DHPS: variants seen among roughly 807,000 people sequenced by gnomAD.
DHPS encodes migration-inducing gene 13.
Under a neutral mutation model 38.7 loss-of-function variants are expected in DHPS, and 24 were observed. The ratio of observed to expected loss-of-function variants is 0.62; its 90% CI spans 0.45 to 0.87. The LOEUF is 0.87. DHPS is among the 40% of genes least tolerant of loss of function. DHPS has a pLI of 0.00. For missense variants in DHPS, 510 were observed against 497.6 expected, an observed-to-expected ratio of 1.02 and a Z score of -0.24; for synonymous variants, 250 against 204.4, an observed-to-expected ratio of 1.22 and a Z score of -1.90.
At chr19:12,673,410 C>CTTTTTTT (rs58676851), downstream of DHPS, 1 of 220,352 alleles carries the variant, frequency 4.5e-6, no homozygotes, top group Non-Finnish European at 8.4e-6. Flanking sequence ...AGGCTAGGAT[C>CTTTTTTT]TTTTTTTTTT....
chr19:12,672,893 C>G, downstream of DHPS: 2 of 1,597,834 alleles, frequency 1.3e-6, no homozygotes, highest in Non-Finnish European at 1.7e-6. Flanking sequence ...GATGGGGCAG[C>G]TCTTCTCAGA....
chr19:12,675,621 C>T (rs368544821), downstream of DHPS: 8 of 1,603,372 alleles, frequency 5.0e-6, no homozygotes, highest in African/African-American at 2.7e-5. Context: ...TGGGAGGCAG[C>T]GTCCAGTGCT....
At chr19:12,672,789 C>G (rs2024460022), downstream of DHPS, 2 of 1,529,264 alleles carry the variant, frequency 1.3e-6, no homozygotes, top group South Asian at 1.2e-5. Context: ...AGGCACAGGG[C>G]TGCCTGGAGC....
At chr19:12,675,678 G>C (rs750144470), downstream of DHPS, 1 of 1,599,758 alleles carries the variant, frequency 6.3e-7, no homozygotes, top group South Asian at 1.1e-5. Context: ...GCTGAAGCCA[G>C]GGGACCCACC....
chr19:12,672,738 C>T (rs1202757732), downstream of DHPS: 26 of 1,153,864 alleles, frequency 2.3e-5, no homozygotes, highest in Middle Eastern at 8.5e-4. Flanking sequence ...CTTCAGAATT[C>T]CACTCCTGTG....
rs201341849 is a variant in DHPS at position 12,680,304 on chromosome 19, G to A, written c.229C>T (p.Leu77=). The A allele has an allele frequency of 1.2e-6, 2 of 1,614,182 alleles. No homozygotes were observed. Among genetic ancestry groups the A allele is most frequent in the South Asian group, 1.1e-5 (1 of 91,090 alleles). Residue 77 remains leucine (L), a synonymous_variant, in exon 2 of 9, where the codon CTG becomes TTG. Transcript: ENST00000210060. ...GCGTGCTGGTCTTCATCCTGTGACA[G>A]TGGTTCCAGCTTCTTCTCGATCTGT... is the stretch of plus-strand genomic sequence containing the variant. ...NAMIEKKLEP[L]SQDEDQHADL... is the part of the protein sequence containing the mutation.
chr19:12,680,102 C>G, intron 2 of DHPS, 59 bp downstream of exon 2: 3 of 1,601,228 alleles, frequency 1.9e-6, no homozygotes, highest in Non-Finnish European at 2.6e-6. Flanking sequence ...CTTAAACGAT[C>G]AATAACTGCA....
At chr19:12,680,722 C>T (rs1251789734) in intron 1 of DHPS, among the ~76,000 whole-genome samples, 1 of 146,612 alleles carries the variant, frequency 6.8e-6, no homozygotes, top group Admixed American at 7.0e-5. Flanking sequence ...TTAGTAGAGA[C>T]GGGGTTTCTC....
In DHPS at chr19:12,679,827, C is replaced by A; in HGVS notation, c.468G>T (p.Lys156Asn). 1 of 1,614,170 alleles carries A rather than the reference C, an allele frequency of 6.2e-7. No homozygotes were observed. Among genetic ancestry groups the A allele is most frequent in the Non-Finnish European group, 8.5e-7 (1 of 1,180,030 alleles). ...TATTGATCCCGTTCTCCCGGAGCTC[C>A]TTCCCCCTGAGGCTAAACTCGCCCA... ...TYLGEFSLRGKELRENGINRI... is the reference protein window; with the variant it reads ...TYLGEFSLRGNELRENGINRI... The change falls in exon 3 of 9, where the codon AAG becomes AAT. Residue 156 changes from lysine to asparagine, a missense_variant. Lys to Asn is a moderately conservative substitution (Grantham distance 94, BLOSUM62 0). Coordinates refer to ENST00000210060, the MANE Select transcript of DHPS (RefSeq NM_001930.4).
downstream of DHPS, chr19:12,673,287 G>A (rs747476130): frequency 4.0e-5 from 64 of 1,613,872 alleles, no homozygotes; most frequent in Non-Finnish European, 4.9e-5. Context: ...TTCTGAGGAC[G>A]GGAAGGTGTT....
chr19:12,673,550 T>A (rs546362860), downstream of DHPS, among the ~76,000 whole-genome samples: 2 of 151,914 alleles, frequency 1.3e-5, no homozygotes, highest in African/African-American at 4.8e-5. Flanking sequence ...CCTGAGTAGT[T>A]GGGATTATAG....
chr19:12,679,632 C>A lies in DHPS; in HGVS notation c.582G>T (p.Gln194His), dbSNP rs1472533698. 1 of 1,614,076 alleles carries A rather than the reference C, an allele frequency of 6.2e-7. No homozygotes were observed. Among genetic ancestry groups the A allele is most frequent in the Non-Finnish European group, 8.5e-7 (1 of 1,180,048 alleles). The change falls in exon 4 of 9, where the codon CAG becomes CAT. Residue 194 changes from glutamine to histidine, a missense_variant. Gln to His is a conservative substitution (Grantham distance 24). Transcript: ENST00000210060. ...GTTGCCCCAGCCCCACCTCTGTGTT[C>A]TGCTCCATCACCATCTGGTCCAGAA... ...MPILDQMVME[Q>H]NTEGVKWTPS... is the part of the protein sequence containing the mutation.
intron 7 of DHPS, 177 bp from the exon 8 acceptor site, chr19:12,676,319 G>T: frequency 1.3e-6 from 1 of 792,116 alleles, no homozygotes; most frequent in Non-Finnish European, 1.9e-6. Context: ...GAGCTGCTGG[G>T]CAACGATGGC....
rs375083939 is a variant in DHPS at position 12,676,404 on chromosome 19, T to A, written c.889-262A>T. The A allele has an allele frequency of 2.6e-5, 12 of 465,326 alleles. No homozygotes were observed. The Admixed American group carries it at 2.7e-4, about 11-fold the overall frequency. The allele number at this position is 465,326 out of a possible 1,614,324, so 28.8% of individuals were successfully genotyped here. On this transcript the variant is annotated intron_variant, in intron 7 of 8. Coordinates refer to ENST00000210060, the MANE Select transcript of DHPS (RefSeq NM_001930.4). Reference sequence around the variant, plus strand: ...GCAAGGCAGGAGCTGCCAGCAACTCTATCTTCAGAAGCCCTCCAAATCCAA... The same window carrying A: ...GCAAGGCAGGAGCTGCCAGCAACTCAATCTTCAGAAGCCCTCCAAATCCAA...
Position 12,679,838 on chromosome 19 carries a change from G to C in DHPS, c.457C>G (p.Leu153Val), listed in dbSNP as rs746302965. 3.1e-6 allele frequency: 5 copies of C among 1,614,152 alleles called. No homozygotes were observed. The highest frequency in any genetic ancestry group is 4.2e-6 in the Non-Finnish European group (5 of 1,180,030). ...LAPTYLGEFS[L>V]RGKELRENGI... is the part of the protein sequence containing the mutation. ...TTCTCCCGGAGCTCCTTCCCCCTGA[G>C]GCTAAACTCGCCCAAGTATGTGGGC... Residue 153 changes from leucine (L) to valine (V), a missense_variant, in exon 3 of 9, where the codon CTC becomes GTC. Coordinates refer to ENST00000210060, the MANE Select transcript of DHPS (RefSeq NM_001930.4).
At position 12,681,742 on chromosome 19, in the gene DHPS, C is replaced by G. The variant is rs1446132326; in HGVS notation, c.25G>C (p.Ala9Pro). The change falls in exon 1 of 9, where the codon GCG (alanine) becomes CCG (proline). Residue 9 changes from alanine (A) to proline (P), a missense_variant. Ala to Pro is a conservative substitution (Grantham distance 27). Transcript: ENST00000210060. ...ACGGCGGCCAGCGCCCCCGCTGGCG[C>G]CTCCCGTTCCAGGGAACCTTCCATG... is the stretch of plus-strand genomic sequence containing the variant. MEGSLEREAPAGALAAVLK... is the reference protein window; with the variant it reads MEGSLEREPPAGALAAVLK... 6.2e-7 allele frequency: 1 copy of G among 1,611,408 alleles called. No homozygotes were observed. Among genetic ancestry groups the G allele is most frequent in the East Asian group, 2.2e-5 (1 of 44,868 alleles).
downstream of DHPS, chr19:12,673,007 G>T: frequency 6.2e-7 from 1 of 1,609,252 alleles, no homozygotes; most frequent in Non-Finnish European, 8.5e-7. Flanking sequence ...CTTCCCCCAA[G>T]GCCCCATCAC....
downstream of DHPS, chr19:12,675,618 C>T: frequency 6.2e-7 from 1 of 1,603,750 alleles, no homozygotes; most frequent in Non-Finnish European, 8.5e-7. Context: ...CCATGGGAGG[C>T]AGCGTCCAGT....
chr19:12,672,849 C>A, downstream of DHPS: 2 of 1,580,992 alleles, frequency 1.3e-6, no homozygotes, highest in Non-Finnish European at 1.7e-6. Flanking sequence ...TCCTGCAGCT[C>A]CGTGGATGGC....
Sources: gnomAD v4.1 joint callset for allele counts (sites outside exome capture counted in the v4.1 genomes callset) on GRCh38, gnomAD v4.1.1 for gene constraint, MANE v1.5 for transcripts, NCBI Gene and HGNC (gene_info 2026-07-23, HGNC 2026-07-21) for gene names.